The following DIP2C variants were observed in gnomAD, a reference collection of about 807,000 sequenced individuals.
The protein encoded by DIP2C is DIP2 acetate--CoA ligase C (putative).
A neutral mutation model predicts 192.4 loss-of-function variants in DIP2C; 33 were observed. The observed-to-expected ratio is 0.17, with a 90% CI of 0.13 to 0.23. The LOEUF (loss-of-function observed/expected upper bound fraction) is 0.23. DIP2C is among the 10% of genes least tolerant of loss of function. The probability of loss-of-function intolerance (pLI) is 1.00; values close to 1 mark genes in which losing one functional copy is unlikely to be tolerated. For synonymous variants in DIP2C, 979 were observed against 864.1 expected (o/e 1.13, Z -2.33); for missense variants, 1,537 against 2,110.1 (o/e 0.73, Z 5.32).
chr10:649,860 C>G, intron 1 of DIP2C: 1 of 525,858 alleles, frequency 1.9e-6, no homozygotes. Context: ...GAGAAGCATG[C>G]CTTATTATCA....
chr10:535,078 C>T (rs913831915), intron 1 of DIP2C, among the ~76,000 whole-genome samples: 3 of 152,104 alleles, frequency 2.0e-5, no homozygotes, highest in African/African-American at 7.2e-5. Flanking sequence ...CCCCTCTCTC[C>T]CTGCAGGATG....
At chr10:486,562 G>GT (rs745855312) in intron 1 of DIP2C, 32 bp from the exon 2 acceptor site, 2 of 1,575,216 alleles carry the variant, frequency 1.3e-6, no homozygotes, top group Non-Finnish European at 1.7e-6. Flanking sequence ...GTTCAGTATG[G>GT]TCTCCGTGGA....
intron 3 of DIP2C, among the ~76,000 whole-genome samples, chr10:451,997 G>C (rs377402570): frequency 6.6e-6 from 1 of 151,960 alleles, no homozygotes; most frequent in Non-Finnish European, 1.5e-5. Flanking sequence ...AGCTCAGGGC[G>C]ACACAAGGAG....
intron 1 of DIP2C, among the ~76,000 whole-genome samples, chr10:670,442 C>T (rs1830576583): frequency 6.6e-6 from 1 of 152,164 alleles, no homozygotes; most frequent in African/African-American, 2.4e-5. Flanking sequence ...CTGATGCAAA[C>T]AAGAATAATC....
At chr10:511,096 C>T (rs974319004) in intron 1 of DIP2C, among the ~76,000 whole-genome samples, 10 of 152,340 alleles carry the variant, frequency 6.6e-5, no homozygotes, top group Admixed American at 4.6e-4. Flanking sequence ...TACACACAGC[C>T]GTTTCTGAAG....
At chr10:294,118 G>A (rs1955628957) in intron 32 of DIP2C, among the ~76,000 whole-genome samples, 3 of 151,874 alleles carry the variant, frequency 2.0e-5, no homozygotes, top group African/African-American at 7.3e-5. Context: ...TCTCTCCCTC[G>A]GGTGGAAGAG....
At chr10:619,484 C>G (rs971955675) in intron 1 of DIP2C, among the ~76,000 whole-genome samples, 1 of 151,596 alleles carries the variant, frequency 6.6e-6, no homozygotes, top group African/African-American at 2.4e-5. Flanking sequence ...AACAGGAAGA[C>G]GCAGAATATC....
At chr10:436,510 C>A (rs1967215002) in intron 4 of DIP2C, among the ~76,000 whole-genome samples, 1 of 152,096 alleles carries the variant, frequency 6.6e-6, no homozygotes, top group South Asian at 2.1e-4. Flanking sequence ...GCTCCGCCTC[C>A]TGGACGTAGT....
At chr10:580,359 A>G (rs1211140809) in intron 1 of DIP2C, among the ~76,000 whole-genome samples, 1 of 152,174 alleles carries the variant, frequency 6.6e-6, no homozygotes, top group Non-Finnish European at 1.5e-5. Context: ...GCATGCTTAC[A>G]GTGTGCACAC....
At chr10:389,784 T>C (rs1963307801) in intron 13 of DIP2C, among the ~76,000 whole-genome samples, 1 of 152,258 alleles carries the variant, frequency 6.6e-6, no homozygotes, top group East Asian at 1.9e-4. Context: ...TGTGCGGACA[T>C]AAATGTCTGC....
chr10:484,123 A>G (rs1299479246), intron 2 of DIP2C, among the ~76,000 whole-genome samples: 1 of 152,182 alleles, frequency 6.6e-6, no homozygotes, highest in Non-Finnish European at 1.5e-5. Context: ...ATGTGATTTT[A>G]AAACACATTT....
chr10:608,162 ACAGCCCCCCCCACACACACC>A (rs1852667920), intron 1 of DIP2C, among the ~76,000 whole-genome samples: 1 of 24,582 alleles, frequency 4.1e-5, no homozygotes, highest in African/African-American at 4.6e-4. Context: ...ACACACCCCC[ACAGCCCCCCCCACACACACC>A]CCACACACAC....
rs1436746521 is a variant in DIP2C at position 369,562 on chromosome 10, A to G, written c.2063T>C (p.Ile688Thr). ...LSMHGLTYGV[I>T]RVDSEEKLSV... Reference sequence around the variant, plus strand: ...CAGCTTCTCTTCCGAGTCCACACGAATGACCCCATAGGTCAGTCCATGCAT... The same window carrying G: ...CAGCTTCTCTTCCGAGTCCACACGAGTGACCCCATAGGTCAGTCCATGCAT... Residue 688 changes from isoleucine to threonine, a missense_variant, in exon 18 of 37, where the codon ATT becomes ACT. Ile to Thr is a moderately conservative substitution (Grantham distance 89). Coordinates refer to ENST00000280886, the MANE Select transcript of DIP2C (RefSeq NM_014974.3). 3 of 1,603,282 alleles carry G rather than the reference A, an allele frequency of 1.9e-6. No individual in the cohort carries two copies. The highest frequency in any genetic ancestry group is 2.6e-6 in the Non-Finnish European group (3 of 1,173,410).
At chr10:657,180 C>G (rs1366831802) in intron 1 of DIP2C, among the ~76,000 whole-genome samples, 1 of 135,078 alleles carries the variant, frequency 7.4e-6, no homozygotes, top group Admixed American at 7.6e-5. Context: ...TGGACCTCTC[C>G]CTGGACCTGA....
intron 1 of DIP2C, among the ~76,000 whole-genome samples, chr10:613,725 T>C (rs537661277): frequency 1.1e-4 from 17 of 152,244 alleles, no homozygotes; most frequent in African/African-American, 4.1e-4. Context: ...CAACAGATCC[T>C]CTCCACACCC....
chr10:650,003 T>A, intron 1 of DIP2C: 1 of 647,726 alleles, frequency 1.5e-6, no homozygotes, highest in Admixed American at 2.4e-5. Context: ...AAAGTTCACA[T>A]CAACAATTCC....
At position 364,356 on chromosome 10, in the gene DIP2C, T is replaced by G. The variant is rs767486978; in HGVS notation, c.2477+18A>C. On this transcript the variant is annotated intron_variant, in intron 20 of 36. Transcript: ENST00000280886. ...GCCGACCGGAAACCATATGCTTGAT[T>G]TGCAGAACGCCACTGACCTTCCCCG... The G allele has an allele frequency of 2.5e-6, 4 of 1,599,544 alleles. No individual in the cohort carries two copies. The highest frequency in any genetic ancestry group is 4.5e-5 in the East Asian group (2 of 44,512).
chr10:374,642 T>G (rs1046727354), intron 17 of DIP2C, among the ~76,000 whole-genome samples: 1 of 152,228 alleles, frequency 6.6e-6, no homozygotes, highest in African/African-American at 2.4e-5. Flanking sequence ...TGCCAACACT[T>G]AAAATGCTTC....
At chr10:490,379 A>G (rs1361862001) in intron 1 of DIP2C, among the ~76,000 whole-genome samples, 2 of 152,224 alleles carry the variant, frequency 1.3e-5, no homozygotes, top group African/African-American at 4.8e-5. Context: ...CACGTTTCTA[A>G]GCTGGGGCCA....
Sources: allele counts gnomAD v4.1 joint callset (sites outside exome capture counted in the v4.1 genomes callset), GRCh38; gene constraint gnomAD v4.1.1; transcripts MANE v1.5; gene names NCBI Gene and HGNC (gene_info 2026-07-23, HGNC 2026-07-21).